NCAM2: variants seen among roughly 807,000 people sequenced by gnomAD.
The protein encoded by NCAM2 is neural cell adhesion molecule 2.
NCAM2 carries 30 observed loss-of-function variants against 98.1 expected under a neutral mutation model. The observed-to-expected ratio is 0.31, with a 90% confidence interval of 0.23 to 0.41. The LOEUF is 0.41. NCAM2 is among the 10% of genes least tolerant of loss of function. NCAM2 has a pLI of 1.00. For missense variants in NCAM2, 867 were observed against 1,005.8 expected (o/e 0.86, Z 1.87); for synonymous variants, 368 against 342.4 (o/e 1.07, Z -0.83).
At chr21:21,521,611 T>C (rs1569136175) in intron 16 of NCAM2, among the ~76,000 whole-genome samples, 3 of 152,176 alleles carry the variant, frequency 2.0e-5, no homozygotes, top group Admixed American at 6.6e-5. Context: ...AGGAATGTCT[T>C]TGATAGGCTT....
chr21:21,488,901 T>C (rs1986616681), intron 15 of NCAM2, among the ~76,000 whole-genome samples: 1 of 152,096 alleles, frequency 6.6e-6, no homozygotes, highest in Non-Finnish European at 1.5e-5. Context: ...ATGATTAATC[T>C]GTGTAAGAGA....
chr21:21,507,350 T>C (rs892170884), intron 15 of NCAM2, among the ~76,000 whole-genome samples: 1 of 152,138 alleles, frequency 6.6e-6, no homozygotes, highest in African/African-American at 2.4e-5. Context: ...ATAAAACAAA[T>C]ACAGGTTTTA....
chr21:21,233,738 A>C (rs1026611115), intron 1 of NCAM2, among the ~76,000 whole-genome samples: 23 of 151,764 alleles, frequency 1.5e-4, no homozygotes, highest in African/African-American at 5.1e-4. Context: ...ATGTCTAAAA[A>C]TGCTGAAATT....
intron 12 of NCAM2, among the ~76,000 whole-genome samples, chr21:21,465,014 ACT>A (rs1189459736): frequency 6.6e-6 from 1 of 152,102 alleles, no homozygotes; most frequent in Non-Finnish European, 1.5e-5. Context: ...AAGGCAGTAC[ACT>A]CTAAAAAGCA....
rs7283345 is a variant in NCAM2 at position 21,084,560 on chromosome 21, A to T, written c.55+85942A>T. Among the ~76,000 whole-genome samples, 1,067 of 152,308 alleles carry T rather than the reference A, an allele frequency of 7.0e-3. 10 individuals carry two copies. Among genetic ancestry groups the T allele is most frequent in the East Asian group, 0.043 (221 of 5,186 alleles). On this transcript the variant is annotated intron_variant, in intron 1 of 17. Coordinates refer to ENST00000400546, the MANE Select transcript of NCAM2 (RefSeq NM_004540.5). ...TAAGTAGAGTCAAACAGCAAGTATG[A>T]TTTTTAAGTATGTATGATGTTTAAG...
intron 1 of NCAM2, among the ~76,000 whole-genome samples, chr21:21,116,015 T>TTGTGTGTGTGTGTGTGTGTG (rs3071992): frequency 2.1e-5 from 3 of 146,098 alleles, no homozygotes; most frequent in African/African-American, 7.7e-5. Context: ...CATGCTGAGA[T>TTGTGTGTGTGTGTGTGTGTG]TGTGTGTGTG....
intron 1 of NCAM2, among the ~76,000 whole-genome samples, chr21:21,267,565 A>G (rs966429418): frequency 1.3e-5 from 2 of 151,956 alleles, no homozygotes; most frequent in African/African-American, 4.8e-5. Flanking sequence ...AAGATTTTTC[A>G]CAGTTCATTT....
intron 1 of NCAM2, among the ~76,000 whole-genome samples, chr21:21,044,626 A>T (rs1328448353): frequency 6.6e-6 from 1 of 152,198 alleles, no homozygotes; most frequent in Non-Finnish European, 1.5e-5. Flanking sequence ...AAATAAAAGA[A>T]TTATGTTCTG....
intron 1 of NCAM2, among the ~76,000 whole-genome samples, chr21:21,108,010 A>T (rs1217079679): frequency 2.0e-5 from 3 of 152,080 alleles, no homozygotes; most frequent in Non-Finnish European, 1.5e-5. Flanking sequence ...TAGAGTACCA[A>T]AATTTCACAC....
chr21:21,371,747 G>A (rs566872853), intron 8 of NCAM2, among the ~76,000 whole-genome samples: 52 of 151,860 alleles, frequency 3.4e-4, no homozygotes, highest in African/African-American at 1.3e-3. Context: ...GAATTGTACT[G>A]TAAAATTAGT....
At chr21:21,246,990 G>C (rs540724913) in intron 1 of NCAM2, among the ~76,000 whole-genome samples, 1 of 149,998 alleles carries the variant, frequency 6.7e-6, no homozygotes, top group African/African-American at 2.5e-5. Context: ...CCATTGCACT[G>C]TCTCTGTAGT....
intron 5 of NCAM2, among the ~76,000 whole-genome samples, chr21:21,304,403 T>C (rs1053993491): frequency 5.9e-5 from 9 of 152,054 alleles, no homozygotes; most frequent in Non-Finnish European, 1.2e-4. Flanking sequence ...CAGAATTGCC[T>C]TTTCATTATT....
At position 21,538,826 on chromosome 21, in the gene NCAM2, A is replaced by T. The variant is rs894546948; in HGVS notation, c.*869A>T. The T allele has an allele frequency of 2.6e-5, 4 of 152,128 alleles. No homozygotes were observed. Among genetic ancestry groups the T allele is most frequent in the Admixed American group, 2.0e-4 (3 of 15,256 alleles). 9.4% of individuals were successfully genotyped at this position (152,128 alleles called of 1,614,324 possible). A position where few individuals can be genotyped will look rare whatever the true frequency, so the allele number is the denominator to read the frequency against. The stretch of plus-strand genomic sequence containing the variant: ...AAATATGTGATTATCATTTATTTTT[A>T]AAATAATTTATCAAAAAACAAGTCT... On this transcript the variant is annotated 3_prime_UTR_variant, in exon 18 of 18. Coordinates refer to ENST00000400546, the MANE Select transcript of NCAM2 (RefSeq NM_004540.5).
At chr21:21,180,892 G>A (rs1455393846) in intron 1 of NCAM2, among the ~76,000 whole-genome samples, 1 of 152,118 alleles carries the variant, frequency 6.6e-6, no homozygotes. Context: ...AAGTAATTTA[G>A]TATGAAGTTA....
intron 9 of NCAM2, among the ~76,000 whole-genome samples, chr21:21,406,242 A>T (rs1025621152): frequency 1.3e-5 from 2 of 152,190 alleles, no homozygotes; most frequent in Non-Finnish European, 2.9e-5. Context: ...CAATGAGTAG[A>T]GTGAGAGATG....
chr21:21,504,422 T>C (rs924657612), intron 15 of NCAM2, among the ~76,000 whole-genome samples: 6 of 124,830 alleles, frequency 4.8e-5, no homozygotes, highest in Admixed American at 9.1e-5. Flanking sequence ...TTATTACTTA[T>C]GCTCAGGTTT....
chr21:21,156,570 T>C (rs1271096429), intron 1 of NCAM2, among the ~76,000 whole-genome samples: 1 of 140,764 alleles, frequency 7.1e-6, no homozygotes, highest in Admixed American at 7.2e-5. Context: ...CAAGTGTAAA[T>C]AGATAGATTA....
intron 1 of NCAM2, among the ~76,000 whole-genome samples, chr21:21,142,375 A>AAG (rs1884688576): frequency 5.3e-5 from 2 of 37,802 alleles, no homozygotes; most frequent in Non-Finnish European, 1.1e-4. Flanking sequence ...GTTTTTTTTT[A>AAG]TGTTTTTTTT....
intron 1 of NCAM2, among the ~76,000 whole-genome samples, chr21:21,268,488 C>G (rs1303234574): frequency 6.6e-6 from 1 of 152,130 alleles, no homozygotes; most frequent in South Asian, 2.1e-4. Flanking sequence ...AGTTGCCTCA[C>G]GCTGTTTTCT....
Sources: gnomAD v4.1 joint callset for allele counts (sites outside exome capture counted in the v4.1 genomes callset) on GRCh38, gnomAD v4.1.1 for gene constraint, MANE v1.5 for transcripts, NCBI Gene and HGNC (gene_info 2026-07-23, HGNC 2026-07-21) for gene names.